The following AMOT variants were observed in gnomAD, a reference collection of about 807,000 sequenced individuals.
The protein encoded by AMOT is angiomotin.
AMOT carries 11 observed loss-of-function variants against 67.0 expected under a neutral mutation model. That is an observed-to-expected ratio of 0.16 (90% CI 0.10 to 0.27). The LOEUF is 0.27. Among genes scored for constraint, AMOT ranks in the 10% least tolerant of loss-of-function variants. The pLI is 1.00. For missense variants in AMOT, 753 were observed against 852.0 expected, an observed-to-expected ratio of 0.88 and a Z score of 1.45; for synonymous variants, 326 against 321.4, an observed-to-expected ratio of 1.01 and a Z score of -0.15.
chrX:112,779,295 A>C lies in AMOT; in HGVS notation c.2859T>G (p.Val953=), dbSNP rs1021613784. 15 of 680,745 alleles carry C rather than the reference A, an allele frequency of 2.2e-5. No homozygotes were observed. The highest frequency in any genetic ancestry group is 3.5e-5 in the Non-Finnish European group (15 of 427,829). 56.1% of individuals were successfully genotyped at this position (680,745 alleles called of 1,213,427 possible). A position where few individuals can be genotyped will look rare whatever the true frequency, so the allele number is the denominator to read the frequency against. ...AAGQIPAAAS[V]ASAAAVAPSA... ...AAGGAGCAACGGCAGCAGCTGAGGC[A>C]ACAGAGGCAGCAGCTGGAATCTGAC... Residue 953 remains valine, a synonymous_variant, in exon 13 of 14, where the codon GTT becomes GTG. Transcript: ENST00000371959.
At chrX:112,814,878 C>A (rs1005239370) in intron 5 of AMOT, among the ~76,000 whole-genome samples, 2 of 111,872 alleles carry the variant, frequency 1.8e-5, no homozygotes, top group Admixed American at 9.5e-5. Context: ...GTATTCTGAG[C>A]CTTTTCCAGA....
intron 8 of AMOT, among the ~76,000 whole-genome samples, chrX:112,792,899 C>T (rs187734057): frequency 9.1e-6 from 1 of 110,415 alleles, no homozygotes; most frequent in East Asian, 2.9e-4. Flanking sequence ...TCTTTGCAAC[C>T]TTGTAGCTTA....
At chrX:112,837,433 T>C (rs960513180) in intron 1 of AMOT, among the ~76,000 whole-genome samples, 2 of 112,454 alleles carry the variant, frequency 1.8e-5, no homozygotes, top group Non-Finnish European at 3.8e-5. Context: ...CTAGGAAAGC[T>C]AGTACTTACA....
chrX:112,809,690 G>A (rs970662506), intron 7 of AMOT, among the ~76,000 whole-genome samples: 15 of 110,972 alleles, frequency 1.4e-4, no homozygotes, highest in African/African-American at 4.0e-4. Context: ...GTGATGTGAC[G>A]AGATGTTGTG....
intron 8 of AMOT, among the ~76,000 whole-genome samples, chrX:112,799,644 C>T (rs1471372692): frequency 8.9e-6 from 1 of 111,906 alleles, no homozygotes; most frequent in East Asian, 2.8e-4. Flanking sequence ...GGTAACACTA[C>T]CCTGGTATTA....
chrX:112,823,004 G>C lies in AMOT; in HGVS notation c.123C>G (p.Ala41=). The change falls in exon 4 of 14, where the codon GCC becomes GCG. Residue 41 remains alanine, a synonymous_variant. Transcript: ENST00000371959. ...TGGGGAAAGGAGGGCCATTCCCTGT[G>C]GCTTGCTGGTGTATGGCAAGCAGGC... The part of the protein sequence containing the change: ...NRSLLAIHQQ[A]TGNGPPFPSG... The C allele has an allele frequency of 8.6e-7, 1 of 1,167,610 alleles. No homozygotes were observed. Among genetic ancestry groups the C allele is most frequent in the Non-Finnish European group, 1.1e-6 (1 of 873,071 alleles).
intron 1 of AMOT, among the ~76,000 whole-genome samples, chrX:112,833,694 G>A (rs1182144011): frequency 2.7e-5 from 3 of 111,794 alleles, no homozygotes; most frequent in Non-Finnish European, 3.8e-5. Context: ...ATAAGCTTTG[G>A]TTTATAGCCC....
At chrX:112,810,048 G>T in intron 6 of AMOT, 62 bp from the exon 7 acceptor site, 2 of 947,767 alleles carry the variant, frequency 2.1e-6, no homozygotes. Flanking sequence ...CATACTATTG[G>T]CCCTCTAAAT....
intron 7 of AMOT, among the ~76,000 whole-genome samples, chrX:112,808,389 T>C (rs779671304): frequency 9.0e-6 from 1 of 111,517 alleles, no homozygotes; most frequent in Non-Finnish European, 1.9e-5. Context: ...TTGGTTTCTC[T>C]AGGATTCCTG....
At chrX:112,819,999 T>TA (rs1239318808) in intron 4 of AMOT, among the ~76,000 whole-genome samples, 1 of 112,155 alleles carries the variant, frequency 8.9e-6, no homozygotes, top group Non-Finnish European at 1.9e-5. Flanking sequence ...GTCACCACCT[T>TA]AAAGCAGTAC....
rs779909145 is a variant in AMOT at position 112,825,740 on chromosome X, T to C, written c.-211-520A>G. Among the ~76,000 whole-genome samples the C allele has an allele frequency of 2.4e-4, 26 of 110,350 alleles. No individual in the cohort carries two copies. The East Asian group carries it at 7.5e-3, about 32-fold the overall frequency. On this transcript the variant is annotated intron_variant, in intron 2 of 13. Transcript: ENST00000371959. ...GGTGGAGGGGAGGGGAAGAACCTTC[T>C]TTTCAACCAAGTCATTAAGTATTTA...
chrX:112,830,416 T>A (rs758732397), intron 2 of AMOT, among the ~76,000 whole-genome samples: 54 of 112,817 alleles, frequency 4.8e-4, no homozygotes, highest in African/African-American at 1.6e-3. Flanking sequence ...CTAAATAATG[T>A]TACAAAAACA....
intron 4 of AMOT, among the ~76,000 whole-genome samples, chrX:112,817,903 A>C (rs556680309): frequency 2.7e-5 from 3 of 111,507 alleles, no homozygotes; most frequent in Admixed American, 9.5e-5. Context: ...CATTCTATGG[A>C]TCTTCAGTTT....
intron 7 of AMOT, among the ~76,000 whole-genome samples, chrX:112,808,128 T>A (rs185892530): frequency 8.9e-6 from 1 of 112,271 alleles, no homozygotes; most frequent in East Asian, 2.8e-4. Flanking sequence ...ACTCTGACTT[T>A]GCATTTGGAA....
chrX:112,779,614 G>C lies in AMOT; in HGVS notation c.2540C>G (p.Ser847Trp). The C allele has an allele frequency of 8.3e-7, 1 of 1,211,120 alleles. No individual in the cohort carries two copies. The highest frequency in any genetic ancestry group is 1.1e-6 in the Non-Finnish European group (1 of 895,399). ...GGAGTGAGCCGAGAGCAGGGGAGTC[G>C]AGGGTGGCACAGGCGAGGGTGTGGA... ...VPSTPSPVPPSTPLLSAHSKT... is the reference protein window; with the variant it reads ...VPSTPSPVPPWTPLLSAHSKT... The change falls in exon 13 of 14, where the codon TCG becomes TGG. Residue 847 changes from serine to tryptophan, a missense_variant. By Grantham distance (177) the Ser-to-Trp change is radical. Coordinates refer to ENST00000371959, the MANE Select transcript of AMOT (RefSeq NM_001113490.2).
chrX:112,822,543 G>T lies in AMOT; in HGVS notation c.584C>A (p.Thr195Asn), dbSNP rs1407278854. Reference sequence around the variant, plus strand: ...TTGTGGTGGGGAGAGGGGAGCACTGGTAACAGGTGGATGGGCCTTAACTCC... The same window carrying T: ...TTGTGGTGGGGAGAGGGGAGCACTGTTAACAGGTGGATGGGCCTTAACTCC... ...TSGVKAHPPV[T>N]SAPLSPPQPN... The change falls in exon 4 of 14, where the codon ACC becomes AAC. Residue 195 changes from threonine to asparagine, a missense_variant. Thr to Asn is a moderately conservative substitution (Grantham distance 65). This residue lies in a region of AMOT where 297 missense variants were observed against 284.3 expected (regional missense o/e 1.04). Coordinates refer to ENST00000371959, the MANE Select transcript of AMOT (RefSeq NM_001113490.2). 2 of 1,167,940 alleles carry T rather than the reference G, an allele frequency of 1.7e-6. No individual in the cohort carries two copies. The highest frequency in any genetic ancestry group is 1.9e-5 in the South Asian group (1 of 52,700).
intron 2 of AMOT, among the ~76,000 whole-genome samples, chrX:112,831,875 G>A (rs1934998433): frequency 9.0e-6 from 1 of 110,621 alleles, no homozygotes; most frequent in Admixed American, 9.6e-5. Flanking sequence ...TTGCAAATGT[G>A]GGAGGGAAAG....
intron 8 of AMOT, among the ~76,000 whole-genome samples, chrX:112,802,329 A>G (rs761522030): frequency 2.8e-4 from 31 of 112,585 alleles, no homozygotes; most frequent in African/African-American, 1.0e-3. Context: ...GATAAGCAAA[A>G]GGGATGTTTT....
Position 112,822,961 on chromosome X carries a change from C to T in AMOT, c.166G>A (p.Gly56Ser). 8.6e-7 allele frequency: 1 copy of T among 1,167,614 alleles called. No individual in the cohort carries two copies. Among genetic ancestry groups the T allele is most frequent in the African/African-American group, 1.8e-5 (1 of 56,170 alleles). Residue 56 changes from glycine to serine, a missense_variant, in exon 4 of 14, where the codon GGC becomes AGC. Gly to Ser is a moderately conservative substitution (Grantham distance 56). Around this residue, in one of 5 missense-constraint regions of AMOT, gnomAD observed 118 missense variants for 125.9 expected, o/e 0.94. Transcript: ENST00000371959. ...GGACTCAACACATCACTCTGAGGGC[C>T]CGGGTTCCCACTGCCACTGGGGAAA... The part of the protein sequence containing the change: ...PPFPSGSGNP[G>S]PQSDVLSPQD...
Sources: allele counts gnomAD v4.1 joint callset (sites outside exome capture counted in the v4.1 genomes callset), GRCh38; gene constraint gnomAD v4.1.1; regional missense constraint gnomAD v4.1.1; transcripts MANE v1.5; gene names NCBI Gene and HGNC (gene_info 2026-07-23, HGNC 2026-07-21).